The following FNDC3A variants were observed in gnomAD, a reference collection of about 807,000 sequenced individuals.
FNDC3A encodes the protein fibronectin type-III domain-containing protein 3A.
In FNDC3A, 32 loss-of-function variants were observed where a neutral mutation model predicts 148.9. That is an observed-to-expected ratio of 0.21 (90% CI 0.16 to 0.29). The LOEUF (loss-of-function observed/expected upper bound fraction) is 0.29. Ranked by LOEUF, FNDC3A falls within the 10% of genes least tolerant of loss-of-function variation. The pLI is 1.00. For missense variants in FNDC3A, 1,191 were observed against 1,452.8 expected (o/e 0.82, Z 2.93); for synonymous variants, 472 against 473.6 (o/e 1.00, Z 0.04).
chr13:49,146,191 T>A, intron 8 of FNDC3A: 1 of 383,338 alleles, frequency 2.6e-6, no homozygotes, highest in Non-Finnish European at 4.7e-6. Context: ...AATAGATGGT[T>A]CAGTATTCAC....
intron 2 of FNDC3A, among the ~76,000 whole-genome samples, chr13:49,024,932 C>T (rs1183673217): frequency 6.6e-6 from 1 of 151,888 alleles, no homozygotes; most frequent in East Asian, 1.9e-4. Flanking sequence ...CTATTTTTCT[C>T]TCTGCTTCTA....
chr13:49,106,773 C>CAAAAAAAAAAAAAAAA, intron 3 of FNDC3A, among the ~76,000 whole-genome samples: 1 of 79,880 alleles, frequency 1.3e-5, no homozygotes, highest in Non-Finnish European at 2.3e-5. Context: ...TGAATGAAAG[C>CAAAAAAAAAAAAAAAA]AAAAAAAAAA....
intron 2 of FNDC3A, among the ~76,000 whole-genome samples, chr13:49,073,878 T>G (rs766940944): frequency 6.7e-6 from 1 of 148,810 alleles, no homozygotes; most frequent in African/African-American, 2.5e-5. Flanking sequence ...ATATACATAT[T>G]CCTTAATAAA....
chr13:49,198,758 C>T (rs1886280667), intron 23 of FNDC3A, among the ~76,000 whole-genome samples, 184 bp downstream of exon 23: 1 of 152,048 alleles, frequency 6.6e-6, no homozygotes. Flanking sequence ...ACAGTGAGAC[C>T]TTGTCTCTAA....
intron 2 of FNDC3A, among the ~76,000 whole-genome samples, chr13:49,055,450 C>T (rs544157781): frequency 2.6e-5 from 4 of 152,190 alleles, no homozygotes; most frequent in South Asian, 4.2e-4. Context: ...GCCTTATACC[C>T]TCCTCCCTTT....
chr13:49,138,170 A>C (rs764140269), intron 6 of FNDC3A, among the ~76,000 whole-genome samples: 6 of 152,164 alleles, frequency 3.9e-5, no homozygotes, highest in Non-Finnish European at 8.8e-5. Flanking sequence ...ATTTCAAATA[A>C]TGTCTTAACT....
chr13:49,179,594 G>C (rs1885205845), intron 14 of FNDC3A, among the ~76,000 whole-genome samples: 1 of 152,040 alleles, frequency 6.6e-6, no homozygotes, highest in African/African-American at 2.4e-5. Flanking sequence ...TCATTAGTTG[G>C]TATTATACTG....
chr13:49,136,270 C>T (rs1566274862), intron 5 of FNDC3A, 62 bp from the exon 6 acceptor site: 2 of 1,362,938 alleles, frequency 1.5e-6, no homozygotes, highest in Non-Finnish European at 2.0e-6. Context: ...GTTCTTTTTT[C>T]ATGGCATAAA....
chr13:49,087,423 TA>T (rs1191195405), intron 3 of FNDC3A, among the ~76,000 whole-genome samples: 2 of 152,108 alleles, frequency 1.3e-5, no homozygotes, highest in Non-Finnish European at 2.9e-5. Flanking sequence ...TTTTATTACG[TA>T]GGTAGAAATA....
At chr13:49,105,134 G>C (rs916478739) in intron 3 of FNDC3A, among the ~76,000 whole-genome samples, 1 of 152,142 alleles carries the variant, frequency 6.6e-6, no homozygotes, top group Admixed American at 6.5e-5. Flanking sequence ...AACATGGACT[G>C]GGTAATGCAA....
At chr13:49,192,321 G>A (rs1243446033) in intron 19 of FNDC3A, among the ~76,000 whole-genome samples, 1 of 152,048 alleles carries the variant, frequency 6.6e-6, no homozygotes, top group Non-Finnish European at 1.5e-5. Context: ...TTGAAACAGG[G>A]TCTCACCCTG....
At chr13:49,061,431 C>T (rs1307530203) in intron 2 of FNDC3A, among the ~76,000 whole-genome samples, 1 of 12,448 alleles carries the variant, frequency 8.0e-5, no homozygotes, top group Non-Finnish European at 1.5e-4. Flanking sequence ...CCCCTCCCCT[C>T]CCCTCCCCTT....
chr13:49,129,873 T>G (rs1881925334), intron 4 of FNDC3A, among the ~76,000 whole-genome samples: 1 of 152,222 alleles, frequency 6.6e-6, no homozygotes, highest in Non-Finnish European at 1.5e-5. Flanking sequence ...TGTTTTCTAG[T>G]ATACCTATAC....
intron 2 of FNDC3A, among the ~76,000 whole-genome samples, chr13:49,056,191 A>AC (rs922013671): frequency 4.6e-5 from 7 of 151,990 alleles, no homozygotes; most frequent in Admixed American, 4.6e-4. Flanking sequence ...TGCCTCAAAA[A>AC]AAAAAAAAAG....
chr13:48,979,335 C>G (rs1354280789), intron 1 of FNDC3A, among the ~76,000 whole-genome samples: 1 of 151,966 alleles, frequency 6.6e-6, no homozygotes, highest in Non-Finnish European at 1.5e-5. Flanking sequence ...TGTGTGACAC[C>G]AACTGGAATT....
intron 25 of FNDC3A, among the ~76,000 whole-genome samples, chr13:49,204,937 G>A (rs1486376653): frequency 1.1e-4 from 17 of 152,080 alleles, no homozygotes; most frequent in Admixed American, 1.1e-3. Flanking sequence ...TGGTCTCCAA[G>A]CTTTAAATTC....
rs188316860 is a variant in FNDC3A at position 49,189,810 on chromosome 13, A to G, written c.1944+1177A>G. Reference sequence around the variant, plus strand: ...TAGATAGCTTTCTGATAAAAAGATGACCAAATATTTTGTGTTTAAAAAGAA... The same window carrying G: ...TAGATAGCTTTCTGATAAAAAGATGGCCAAATATTTTGTGTTTAAAAAGAA... On this transcript the variant is annotated intron_variant, in intron 17 of 25. Coordinates refer to ENST00000492622, the MANE Select transcript of FNDC3A (RefSeq NM_001079673.2). Among the ~76,000 whole-genome samples, 4 of 152,252 alleles carry G rather than the reference A, an allele frequency of 2.6e-5. No homozygotes were observed. The East Asian group carries it at 7.7e-4, about 29-fold the overall frequency.
chr13:49,157,552 C>T lies in FNDC3A; in HGVS notation c.978-9692C>T, dbSNP rs1430524389. Among the ~76,000 whole-genome samples the T allele has an allele frequency of 6.6e-5, 10 of 150,678 alleles. No individual in the cohort carries two copies. In the East Asian group the frequency reaches 7.9e-4, roughly 12 times the overall value. On this transcript the variant is annotated intron_variant, in intron 8 of 25. Coordinates refer to ENST00000492622, the MANE Select transcript of FNDC3A (RefSeq NM_001079673.2). Reference sequence around the variant, plus strand: ...AGTCATTCTCCATCCAGCTTTGTTCCGTTGCTGGTGAGGAACTGCGTTCCT... The same window carrying T: ...AGTCATTCTCCATCCAGCTTTGTTCTGTTGCTGGTGAGGAACTGCGTTCCT...
rs1885877434 is a variant in FNDC3A at position 49,191,329 on chromosome 13, G to A, written c.2171G>A (p.Ser724Asn). 1 of 1,611,840 alleles carries A rather than the reference G, an allele frequency of 6.2e-7. No homozygotes were observed. ...QGSEVECTVS[S>N]LLPGKTYSFR... is the part of the protein sequence containing the mutation. Reference sequence around the variant, plus strand: ...TCTGAAGTAGAATGTACAGTGAGCAGCCTTCTTCCTGGAAAGACATACAGC... The same window carrying A: ...TCTGAAGTAGAATGTACAGTGAGCAACCTTCTTCCTGGAAAGACATACAGC... Residue 724 changes from serine to asparagine, a missense_variant, in exon 19 of 26, where the codon AGC (serine) becomes AAC (asparagine). Coordinates refer to ENST00000492622, the MANE Select transcript of FNDC3A (RefSeq NM_001079673.2).
Sources: allele counts gnomAD v4.1 joint callset (sites outside exome capture counted in the v4.1 genomes callset), GRCh38; gene constraint gnomAD v4.1.1; transcripts MANE v1.5; gene names NCBI Gene and HGNC (gene_info 2026-07-23, HGNC 2026-07-21).